The following LDLRAD4 variants were observed in gnomAD, a reference collection of about 807,000 sequenced individuals.
LDLRAD4 encodes low-density lipoprotein receptor class A domain-containing protein 4.
LDLRAD4 carries 5 observed loss-of-function variants against 17.0 expected under a neutral mutation model. That is an observed-to-expected ratio of 0.29 (90% CI 0.15 to 0.62). LDLRAD4 has a LOEUF of 0.62. LDLRAD4 is among the 20% of genes least tolerant of loss of function. LDLRAD4 has a pLI of 0.84. For synonymous variants in LDLRAD4, 168 were observed against 171.8 expected (o/e 0.98, Z 0.17); for missense variants, 340 against 424.7 (o/e 0.80, Z 1.75).
At chr18:13,259,153 A>ATTCC (rs1374773248) in intron 1 of LDLRAD4, among the ~76,000 whole-genome samples, 1 of 151,968 alleles carries the variant, frequency 6.6e-6, no homozygotes, top group African/African-American at 2.4e-5. Flanking sequence ...TAGTTTGTGG[A>ATTCC]TTCCTTCCTT....
At chr18:13,490,831 GTGC>G (rs1171235599) in intron 3 of LDLRAD4, among the ~76,000 whole-genome samples, 1 of 152,184 alleles carries the variant, frequency 6.6e-6, no homozygotes, top group Non-Finnish European at 1.5e-5. Context: ...ATGGCAGGAT[GTGC>G]ATTTTTGCAC....
chr18:13,397,921 G>A (rs1289830064), intron 2 of LDLRAD4, among the ~76,000 whole-genome samples: 1 of 152,376 alleles, frequency 6.6e-6, no homozygotes, highest in African/African-American at 2.4e-5. Flanking sequence ...CTGACATAAG[G>A]AGTGAAGATT....
chr18:13,259,772 C>T (rs1252981402), intron 1 of LDLRAD4, among the ~76,000 whole-genome samples: 1 of 152,046 alleles, frequency 6.6e-6, no homozygotes, highest in Non-Finnish European at 1.5e-5. Flanking sequence ...TTACAGCCAC[C>T]CACGGCTGCT....
chr18:13,632,849 C>T (rs1374405842), intron 4 of LDLRAD4, among the ~76,000 whole-genome samples: 1 of 152,236 alleles, frequency 6.6e-6, no homozygotes, highest in African/African-American at 2.4e-5. Context: ...CTGGATAGCT[C>T]CTTTCTGTAG....
rs78883890 is a variant in LDLRAD4 at position 13,428,262 on chromosome 18, C to T, written c.41-9982C>T. Among the ~76,000 whole-genome samples, 1,290 of 152,114 alleles carry T rather than the reference C, an allele frequency of 8.5e-3. 22 individuals carry two copies. The highest frequency in any genetic ancestry group is 0.03 in the African/African-American group (1,241 of 41,476). ...ATGGGGAGTGGAGTGAGGGAGGCCA[C>T]GGCGATGGTGATGTTTGCACGAAGG... On this transcript the variant is annotated intron_variant, in intron 2 of 5. Transcript: ENST00000359446.
chr18:13,605,138 A>G (rs755224743), intron 3 of LDLRAD4, among the ~76,000 whole-genome samples: 1 of 152,210 alleles, frequency 6.6e-6, no homozygotes, highest in South Asian at 2.1e-4. Context: ...TTCTCTTAAC[A>G]TATGGTGTCC....
chr18:13,317,664 A>C (rs963211883), intron 1 of LDLRAD4, among the ~76,000 whole-genome samples: 1 of 152,220 alleles, frequency 6.6e-6, no homozygotes, highest in African/African-American at 2.4e-5. Context: ...GAGTTAAAGA[A>C]AGCACGTCAC....
intron 3 of LDLRAD4, among the ~76,000 whole-genome samples, chr18:13,473,395 C>T (rs2092830013): frequency 6.6e-6 from 1 of 152,008 alleles, no homozygotes; most frequent in African/African-American, 2.4e-5. Flanking sequence ...GGGGGCTGGG[C>T]ACTGTGGCTC....
intron 3 of LDLRAD4, among the ~76,000 whole-genome samples, chr18:13,619,580 A>G (rs1370050253): frequency 6.6e-6 from 1 of 151,746 alleles, no homozygotes; most frequent in Admixed American, 6.6e-5. Context: ...CCCCATAGGA[A>G]GTAGACACTC....
At chr18:13,484,615 C>T (rs1250811205) in intron 3 of LDLRAD4, among the ~76,000 whole-genome samples, 2 of 152,060 alleles carry the variant, frequency 1.3e-5, no homozygotes, top group Non-Finnish European at 2.9e-5. Flanking sequence ...GACAGTGAAA[C>T]CCTGTCTCAA....
At chr18:13,521,203 A>G (rs1314852941) in intron 3 of LDLRAD4, 10 of 152,130 alleles carry the variant, frequency 6.6e-5, no homozygotes, top group Non-Finnish European at 1.3e-4. Flanking sequence ...GATCGCTGGC[A>G]CTCGTGCAGC....
At chr18:13,306,729 ACT>A in intron 1 of LDLRAD4, among the ~76,000 whole-genome samples, 1 of 152,096 alleles carries the variant, frequency 6.6e-6, no homozygotes, top group South Asian at 2.1e-4. Context: ...GCTGCAGAAA[ACT>A]CTGTCCAGAT....
chr18:13,324,324 A>G (rs1264154632), intron 1 of LDLRAD4, among the ~76,000 whole-genome samples: 2 of 140,820 alleles, frequency 1.4e-5, no homozygotes, highest in Non-Finnish European at 3.1e-5. Flanking sequence ...TTTTTTTTTT[A>G]GTAGAGATGG....
intron 1 of LDLRAD4, among the ~76,000 whole-genome samples, chr18:13,374,068 T>A (rs972824408): frequency 4.6e-5 from 7 of 152,276 alleles, no homozygotes; most frequent in African/African-American, 4.8e-5. Context: ...TGGAATTTGC[T>A]TTTACCTTTT....
chr18:13,598,728 G>A (rs1185168829), intron 3 of LDLRAD4, among the ~76,000 whole-genome samples: 1 of 152,136 alleles, frequency 6.6e-6, no homozygotes, highest in Non-Finnish European at 1.5e-5. Flanking sequence ...GTAAGTTTTC[G>A]GTAGCAGAGC....
intron 3 of LDLRAD4, among the ~76,000 whole-genome samples, chr18:13,460,529 C>T (rs1053987237): frequency 6.6e-6 from 1 of 152,202 alleles, no homozygotes; most frequent in Non-Finnish European, 1.5e-5. Context: ...AGAGTGGACC[C>T]ATGTCATCTG....
chr18:13,415,497 T>C (rs2088796917), intron 2 of LDLRAD4, among the ~76,000 whole-genome samples: 1 of 152,158 alleles, frequency 6.6e-6, no homozygotes, highest in Admixed American at 6.5e-5. Flanking sequence ...GGAGGTGTGC[T>C]TTCCCACCAA....
chr18:13,381,364 G>A (rs866802019), intron 1 of LDLRAD4, among the ~76,000 whole-genome samples: 6 of 152,144 alleles, frequency 3.9e-5, no homozygotes, highest in African/African-American at 7.2e-5. Context: ...CACCGTGCCC[G>A]CCCACTGTAT....
chr18:13,415,101 G>A (rs2088751722), intron 2 of LDLRAD4, among the ~76,000 whole-genome samples: 1 of 152,306 alleles, frequency 6.6e-6, no homozygotes, highest in South Asian at 2.1e-4. Flanking sequence ...GTCCATGCCT[G>A]TAATCTCAGC....
Sources: allele counts gnomAD v4.1 joint callset (sites outside exome capture counted in the v4.1 genomes callset), GRCh38; gene constraint gnomAD v4.1.1; transcripts MANE v1.5; gene names NCBI Gene and HGNC (gene_info 2026-07-23, HGNC 2026-07-21).